BANK1: variants seen among roughly 807,000 people sequenced by gnomAD.
BANK1 encodes B cell scaffold protein with ankyrin repeats 1.
Under a neutral mutation model 94.5 loss-of-function variants are expected in BANK1, and 95 were observed. The observed-to-expected ratio is 1.00, with a 90% CI of 0.85 to 1.19. The LOEUF is 1.19. Among genes scored for constraint, BANK1 ranks in the 50% most tolerant of loss-of-function variants. The pLI, the probability that BANK1 is intolerant of heterozygous loss-of-function variation, is 0.00. For missense variants in BANK1, 987 were observed against 932.2 expected, an observed-to-expected ratio of 1.06 and a Z score of -0.77; for synonymous variants, 334 against 308.4, an observed-to-expected ratio of 1.08 and a Z score of -0.87.
In BANK1 at chr4:102,074,512, T is replaced by A. The variant is rs763353954; in HGVS notation, c.*513T>A. 2.6e-5 allele frequency: 4 copies of A among 152,100 alleles called. No individual in the cohort carries two copies. The highest frequency in any genetic ancestry group is 5.9e-5 in the Non-Finnish European group (4 of 67,920). The allele number at this position is 152,100 out of a possible 1,614,324, so 9.4% of individuals were successfully genotyped here. On this transcript the variant is annotated 3_prime_UTR_variant, in exon 17 of 17. Coordinates refer to ENST00000322953, the MANE Select transcript of BANK1 (RefSeq NM_017935.5). ...TTACATCATGTTTGCAGAAACCTTG[T>A]CTTATTTAGTGTCTATTTGCATATA... is the stretch of plus-strand genomic sequence containing the variant.
intron 7 of BANK1, among the ~76,000 whole-genome samples, chr4:101,939,725 G>T (rs1723680932): frequency 6.6e-6 from 1 of 151,636 alleles, no homozygotes; most frequent in Non-Finnish European, 1.5e-5. Flanking sequence ...AACTCTCTCT[G>T]CCACACACAA....
intron 7 of BANK1, among the ~76,000 whole-genome samples, chr4:101,971,274 C>G (rs1218254885): frequency 6.6e-6 from 1 of 151,866 alleles, no homozygotes; most frequent in Non-Finnish European, 1.5e-5. Context: ...AGTGTGTCTC[C>G]AAATATTCTA....
intron 1 of BANK1, among the ~76,000 whole-genome samples, chr4:101,800,470 G>A (rs1725322749): frequency 6.6e-6 from 1 of 152,010 alleles, no homozygotes; most frequent in South Asian, 2.1e-4. Flanking sequence ...CCTTGGTACA[G>A]TGTTGAATTA....
At chr4:101,795,184 A>G (rs1037681500) in intron 1 of BANK1, among the ~76,000 whole-genome samples, 7 of 152,100 alleles carry the variant, frequency 4.6e-5, no homozygotes, top group Non-Finnish European at 7.4e-5. Flanking sequence ...TGTCAAGACC[A>G]CTTGAAATTT....
At chr4:101,915,543 C>A (rs908918550) in intron 6 of BANK1, among the ~76,000 whole-genome samples, 1 of 151,924 alleles carries the variant, frequency 6.6e-6, no homozygotes, top group Non-Finnish European at 1.5e-5. Context: ...AGACAATTAA[C>A]AAGAGAAATA....
At chr4:102,021,022 CAAAT>C (rs1428765348) in intron 7 of BANK1, among the ~76,000 whole-genome samples, 1 of 152,098 alleles carries the variant, frequency 6.6e-6, no homozygotes, top group Non-Finnish European at 1.5e-5. Context: ...TTCAGAAAGA[CAAAT>C]AAAGAGAAGT....
intron 2 of BANK1, among the ~76,000 whole-genome samples, chr4:101,840,975 C>T (rs1022243590): frequency 6.6e-5 from 10 of 152,098 alleles, no homozygotes; most frequent in South Asian, 2.1e-4. Context: ...CACAGGCATG[C>T]GCCGTCACGC....
At chr4:101,961,535 A>C (rs1367851733) in intron 7 of BANK1, among the ~76,000 whole-genome samples, 3 of 152,172 alleles carry the variant, frequency 2.0e-5, no homozygotes, top group East Asian at 1.9e-4. Flanking sequence ...TTTTCTTAGA[A>C]TCTTAATCCT....
At chr4:101,904,473 A>G (rs1049371035) in intron 6 of BANK1, among the ~76,000 whole-genome samples, 3 of 152,216 alleles carry the variant, frequency 2.0e-5, no homozygotes, top group Non-Finnish European at 4.4e-5. Flanking sequence ...TTATCTGTTA[A>G]CCATTTTAAA....
intron 7 of BANK1, among the ~76,000 whole-genome samples, chr4:101,942,376 A>G (rs927602061): frequency 1.3e-5 from 2 of 151,912 alleles, no homozygotes; most frequent in Non-Finnish European, 2.9e-5. Context: ...TGTAGTGGGC[A>G]TCTTGAACCT....
chr4:102,050,720 C>G (rs1162181941), intron 11 of BANK1, among the ~76,000 whole-genome samples: 1 of 152,016 alleles, frequency 6.6e-6, no homozygotes, highest in Non-Finnish European at 1.5e-5. Flanking sequence ...ATCATGCTTT[C>G]TGTGTTGTTT....
At chr4:102,067,602 C>T (rs1026710937) in intron 13 of BANK1, among the ~76,000 whole-genome samples, 1 of 151,766 alleles carries the variant, frequency 6.6e-6, no homozygotes, top group African/African-American at 2.4e-5. Flanking sequence ...AGGCAGTTCA[C>T]TAGAAAGATA....
chr4:101,790,984 C>T (rs1448897090), intron 1 of BANK1, 34 bp downstream of exon 1: 4 of 1,455,114 alleles, frequency 2.7e-6, no homozygotes, highest in Admixed American at 2.4e-5. Context: ...GGCTTGACGC[C>T]GAGGCCGGGC....
intron 1 of BANK1, among the ~76,000 whole-genome samples, chr4:101,800,817 G>A (rs189200751): frequency 5.4e-4 from 82 of 152,298 alleles, no homozygotes; most frequent in African/African-American, 1.5e-3. Flanking sequence ...GAGTGCAATG[G>A]TACAATCTCA....
chr4:102,008,367 A>G (rs1473488380), intron 7 of BANK1, among the ~76,000 whole-genome samples: 1 of 152,238 alleles, frequency 6.6e-6, no homozygotes, highest in Non-Finnish European at 1.5e-5. Context: ...TTATAAATAA[A>G]CAGAACTGTA....
intron 7 of BANK1, 58 bp downstream of exon 7, chr4:101,918,247 C>G: frequency 8.2e-7 from 1 of 1,224,310 alleles, no homozygotes; most frequent in Non-Finnish European, 1.1e-6. Flanking sequence ...GTAGAAGAGA[C>G]TGTAAGAAGA....
intron 7 of BANK1, among the ~76,000 whole-genome samples, chr4:101,949,111 C>T (rs1249984732): frequency 1.3e-5 from 2 of 151,966 alleles, no homozygotes; most frequent in African/African-American, 4.8e-5. Context: ...CAGCTGGGAT[C>T]TGGCTTGTTT....
At chr4:101,814,964 G>A (rs1725853438) in intron 1 of BANK1, among the ~76,000 whole-genome samples, 1 of 152,134 alleles carries the variant, frequency 6.6e-6, no homozygotes, top group South Asian at 2.1e-4. Context: ...CATGTATTGG[G>A]TATAGGGGTG....
intron 7 of BANK1, among the ~76,000 whole-genome samples, chr4:101,939,060 C>T (rs934050900): frequency 1.3e-5 from 2 of 151,666 alleles, no homozygotes; most frequent in African/African-American, 4.8e-5. Flanking sequence ...CCAAAATCCC[C>T]ATTCTTCCAA....
Sources: allele counts gnomAD v4.1 joint callset (sites outside exome capture counted in the v4.1 genomes callset), GRCh38; gene constraint gnomAD v4.1.1; transcripts MANE v1.5; gene names NCBI Gene and HGNC (gene_info 2026-07-23, HGNC 2026-07-21).